NEIL3: variants seen among roughly 807,000 people sequenced by gnomAD.
NEIL3 encodes nei like DNA glycosylase 3.
A neutral mutation model predicts 57.5 loss-of-function variants in NEIL3; 48 were observed. The ratio of observed to expected loss-of-function variants is 0.83; its 90% CI spans 0.66 to 1.06. NEIL3 has a LOEUF of 1.06. Ranked by LOEUF, NEIL3 falls within the 50% of genes least tolerant of loss-of-function variation. The pLI is 0.00. For missense variants in NEIL3, 717 were observed against 739.1 expected (o/e 0.97, Z 0.35); for synonymous variants, 261 against 253.2 (o/e 1.03, Z -0.29).
downstream of NEIL3, among the ~76,000 whole-genome samples, chr4:177,366,891 G>A (rs146181738): frequency 1.4e-4 from 22 of 152,172 alleles, no homozygotes; most frequent in East Asian, 4.3e-3. Flanking sequence ...TGTCTTCAAG[G>A]TCACTGAATC....
At chr4:177,368,808 T>C in the NEIL3 span, among the ~76,000 whole-genome samples, 1 of 152,178 alleles carries the variant, frequency 6.6e-6, no homozygotes, top group African/African-American at 2.4e-5. Flanking sequence ...CTTTTTTTGG[T>C]ATTTTCTAGA....
At chr4:177,338,232 G>C (rs1221001067) in intron 4 of NEIL3, among the ~76,000 whole-genome samples, 4 of 152,178 alleles carry the variant, frequency 2.6e-5, no homozygotes, top group African/African-American at 9.7e-5. Context: ...CTTTCAGGAT[G>C]ACTATGTTGA....
intron 1 of NEIL3, among the ~76,000 whole-genome samples, chr4:177,313,564 T>C (rs777790150): frequency 7.9e-5 from 12 of 152,252 alleles, no homozygotes; most frequent in Non-Finnish European, 1.6e-4. Context: ...CATATCTGGT[T>C]AATGAGCTTT....
In NEIL3 at chr4:177,353,418, G is replaced by C. The variant is rs1308309925; in HGVS notation, c.1150G>C (p.Ala384Pro). The C allele has an allele frequency of 1.2e-6, 2 of 1,613,596 alleles. No individual in the cohort carries two copies. The highest frequency in any genetic ancestry group is 1.3e-5 in the African/African-American group (1 of 74,828). ...HTEVKINRKT[A>P]FGTTTLVLTD... is the part of the protein sequence containing the mutation. ...AGAAGTCAAGATCAACAGAAAAACT[G>C]CATTTGGAACTACAACTCTTGTCTT... The change falls in exon 8 of 10, where the codon GCA becomes CCA. Residue 384 changes from alanine to proline, a missense_variant. Transcript: ENST00000264596.
intron 9 of NEIL3, 133 bp downstream of exon 9, chr4:177,360,810 T>TAA: frequency 1.6e-6 from 1 of 644,322 alleles, no homozygotes; most frequent in Non-Finnish European, 2.5e-6. Context: ...GCATTCAGTC[T>TAA]AAAGCTTGAA....
Position 177,353,293 on chromosome 4 carries a change from T to C in NEIL3, c.1040-15T>C, listed in dbSNP as rs1579006040. 6.3e-7 allele frequency: 1 copy of C among 1,594,824 alleles called. No individual in the cohort carries two copies. On this transcript the variant is annotated splice_polypyrimidine_tract_variant and intron_variant, in intron 7 of 9. Transcript: ENST00000264596. The stretch of plus-strand genomic sequence containing the variant: ...TTTATGGGACTATTGCAGAATTACT[T>C]CTCTCTCCTTCCAGATTCAGTGCTC...
chr4:177,334,784 C>T (rs756579980), intron 2 of NEIL3, among the ~76,000 whole-genome samples: 2 of 152,148 alleles, frequency 1.3e-5, no homozygotes, highest in African/African-American at 2.4e-5. Context: ...CAGTAGCATT[C>T]GCTGCCAAAA....
In NEIL3 at chr4:177,360,642, C is replaced by G. The variant is rs1338681516; in HGVS notation, c.1600C>G (p.Pro534Ala). ...CAAGGGCAGGCAGTTTTATGCCTGT[C>G]CTCTACCTAGAGAAGCACAATGTGG... is the stretch of plus-strand genomic sequence containing the variant. ...ENKGRQFYAC[P>A]LPREAQCGFF... is the part of the protein sequence containing the mutation. Residue 534 changes from proline (P) to alanine (A), a missense_variant, in exon 9 of 10, where the codon CCT becomes GCT. Coordinates refer to ENST00000264596, the MANE Select transcript of NEIL3 (RefSeq NM_018248.3). 1.2e-6 allele frequency: 2 copies of G among 1,613,292 alleles called. No individual in the cohort carries two copies. The highest frequency in any genetic ancestry group is 3.3e-5 in the Admixed American group (2 of 59,978).
At chr4:177,331,401 T>C (rs939195837) in intron 2 of NEIL3, among the ~76,000 whole-genome samples, 3 of 151,840 alleles carry the variant, frequency 2.0e-5, no homozygotes, top group Non-Finnish European at 4.4e-5. Context: ...CACCTGTTCA[T>C]GTGCCTTTAT....
the NEIL3 span, among the ~76,000 whole-genome samples, chr4:177,370,377 T>C: frequency 6.6e-6 from 1 of 152,192 alleles, no homozygotes; most frequent in Non-Finnish European, 1.5e-5. Flanking sequence ...ATATAGTGTT[T>C]CTGGAGGAGC....
chr4:177,364,250 A>G (rs771949348), downstream of NEIL3, among the ~76,000 whole-genome samples: 3 of 152,136 alleles, frequency 2.0e-5, no homozygotes, highest in African/African-American at 4.8e-5. Flanking sequence ...GCTGAACCCA[A>G]CCTCCCCACA....
chr4:177,351,263 C>T (rs1735344824), intron 6 of NEIL3, 117 bp from the exon 7 acceptor site: 2 of 357,590 alleles, frequency 5.6e-6, no homozygotes, highest in African/African-American at 2.4e-5. Flanking sequence ...GTACTAACTT[C>T]CAAGCAATAA....
chr4:177,365,744 T>C (rs934313644), downstream of NEIL3, among the ~76,000 whole-genome samples: 1 of 152,224 alleles, frequency 6.6e-6, no homozygotes, highest in Non-Finnish European at 1.5e-5. Context: ...GCTGTAGGAA[T>C]TTAACTCTGG....
chr4:177,328,757 T>C lies in NEIL3; in HGVS notation c.278+6177T>C, dbSNP rs368481599. 7.4e-4 allele frequency among the ~76,000 whole-genome samples: 112 copies of C among 152,214 alleles called. 6 individuals are homozygous for C. In the South Asian group the frequency reaches 0.023, roughly 32 times the overall value. On this transcript the variant is annotated intron_variant, in intron 2 of 9. Coordinates refer to ENST00000264596, the MANE Select transcript of NEIL3 (RefSeq NM_018248.3). ...AAGAAAAAACTGGGAATGGGAAACT[T>C]GGAAGTAAATATAAAAGATGTTTTT... is the stretch of plus-strand genomic sequence containing the variant.
At chr4:177,351,625 C>A in intron 7 of NEIL3, 76 bp downstream of exon 7, 1 of 1,177,932 alleles carries the variant, frequency 8.5e-7, no homozygotes, top group Non-Finnish European at 1.2e-6. Context: ...ATATATCTTG[C>A]TCCATCTTGA....
chr4:177,321,904 A>G (rs1199030080), intron 1 of NEIL3, among the ~76,000 whole-genome samples: 4 of 152,222 alleles, frequency 2.6e-5, no homozygotes, highest in African/African-American at 9.6e-5. Context: ...TGCCCTTAGG[A>G]TAGATGCTGG....
chr4:177,318,019 A>T (rs544254435), intron 1 of NEIL3, among the ~76,000 whole-genome samples: 1 of 152,310 alleles, frequency 6.6e-6, no homozygotes, highest in East Asian at 1.9e-4. Context: ...CTTTCAAAAA[A>T]ACCTATCCCT....
intron 1 of NEIL3, among the ~76,000 whole-genome samples, chr4:177,314,785 GTGT>G (rs911000195): frequency 6.6e-6 from 1 of 152,024 alleles, no homozygotes; most frequent in Admixed American, 6.6e-5. Flanking sequence ...TGATTAAAAA[GTGT>G]TGTTGTAGGC....
In NEIL3 at chr4:177,362,448, A is replaced by T; in HGVS notation, c.1795A>T (p.Ile599Leu). The T allele has an allele frequency of 6.2e-7, 1 of 1,612,892 alleles. No homozygotes were observed. Among genetic ancestry groups the T allele is most frequent in the Non-Finnish European group, 8.5e-7 (1 of 1,179,436 alleles). Residue 599 changes from isoleucine to leucine, a missense_variant, in exon 10 of 10, where the codon ATA becomes TTA. Coordinates refer to ENST00000264596, the MANE Select transcript of NEIL3 (RefSeq NM_018248.3). ...CCAGTGGGCAGAAAATGGGCCAGGA[A>T]TAAAAATTATTCCTGGATGCTAATA... ...FFQWAENGPGIKIIPGC is the reference protein window; with the variant it reads ...FFQWAENGPGLKIIPGC
Sources: allele counts gnomAD v4.1 joint callset (sites outside exome capture counted in the v4.1 genomes callset), GRCh38; gene constraint gnomAD v4.1.1; transcripts MANE v1.5; gene names NCBI Gene and HGNC (gene_info 2026-07-23, HGNC 2026-07-21).